RPL38: variants seen among roughly 807,000 people sequenced by gnomAD.
RPL38 encodes the protein ribosomal protein L38.
A neutral mutation model predicts 12.8 loss-of-function variants in RPL38; 2 were observed. That is an observed-to-expected ratio of 0.16 (90% CI 0.06 to 0.49). RPL38 has a LOEUF of 0.49. Among genes scored for constraint, RPL38 ranks in the 20% least tolerant of loss-of-function variants. The probability of loss-of-function intolerance (pLI) is 0.96; values close to 1 mark genes in which losing one functional copy is unlikely to be tolerated. For synonymous variants in RPL38, 42 were observed against 30.1 expected, an observed-to-expected ratio of 1.39 and a Z score of -1.29; for missense variants, 52 against 79.8, an observed-to-expected ratio of 0.65 and a Z score of 1.33.
At chr17:74,207,351 C>T (rs1341684199) in intron 3 of RPL38, among the ~76,000 whole-genome samples, 5 of 152,006 alleles carry the variant, frequency 3.3e-5, no homozygotes, top group South Asian at 2.1e-4. Context: ...GGGTAGGCCA[C>T]GGTTTGTTTA....
intron 3 of RPL38, chr17:74,204,425 C>G: frequency 1.8e-6 from 1 of 551,546 alleles, no homozygotes; most frequent in African/African-American, 1.9e-5. Context: ...AGAGGCCGCC[C>G]TGAGTTCAGT....
intron 4 of RPL38, chr17:74,209,543 C>T (rs1378498853): frequency 2.3e-5 from 15 of 639,552 alleles, no homozygotes; most frequent in South Asian, 1.2e-4. Context: ...ATCCTGTTCA[C>T]GACCCTTCGA....
rs2050141327 is a variant in RPL38, at chr17:74,209,081, G to C, written c.65-106G>C. The C allele has an allele frequency of 7.6e-6, 9 of 1,191,810 alleles. No individual in the cohort carries two copies. In the Admixed American group the frequency reaches 1.7e-4, roughly 22 times the overall value. The allele number at this position is 1,191,810 out of a possible 1,614,324, so 73.8% of individuals were successfully genotyped here. A position where few individuals can be genotyped will look rare whatever the true frequency, so the allele number is the denominator to read the frequency against. On this transcript the variant is annotated intron_variant, in intron 3 of 4. Transcript: ENST00000311111. ...CACAGAGGGATGGTACTGGAGGTGG[G>C]TGCTGTCTCCTGCATGCTGCTTACT... is the stretch of plus-strand genomic sequence containing the variant.
intron 1 of RPL38, 86 bp downstream of exon 1, chr17:74,203,831 T>A (rs1404982214): frequency 3.2e-6 from 4 of 1,243,982 alleles, no homozygotes; most frequent in Admixed American, 2.6e-5. Flanking sequence ...GGGAGTGCGA[T>A]GGGGCCGATA....
Position 74,209,260 on chromosome 17 carries a change from C to T in RPL38, c.138C>T (p.Val46=), listed in dbSNP as rs745784762. ...GCAGCAGATACCTTTACACCCTGGTCATCACTGACAAAGAGAAGGCAGAGA... is the reference window on the plus strand; with the variant it reads ...GCAGCAGATACCTTTACACCCTGGTTATCACTGACAAAGAGAAGGCAGAGA... ...VRCSRYLYTL[V]ITDKEKAEKL... is the part of the protein sequence containing the mutation. The change falls in exon 4 of 5, where the codon GTC becomes GTT. Residue 46 remains valine, a synonymous_variant. Coordinates refer to ENST00000311111, the MANE Select transcript of RPL38 (RefSeq NM_000999.4). The T allele has an allele frequency of 6.8e-6, 11 of 1,613,974 alleles. No individual in the cohort carries two copies. The African/African-American group carries it at 1.3e-4, about 20-fold the overall frequency.
intron 1 of RPL38, 67 bp downstream of exon 1, chr17:74,203,812 G>GTATC: frequency 4.8e-6 from 5 of 1,047,936 alleles, no homozygotes; most frequent in Admixed American, 2.8e-5. Flanking sequence ...GGGTGTCGGG[G>GTATC]AGGAGAAGGG....
At chr17:74,206,627 A>G (rs779364961) in intron 3 of RPL38, among the ~76,000 whole-genome samples, 13 of 149,888 alleles carry the variant, frequency 8.7e-5, no homozygotes, top group African/African-American at 2.0e-4. Context: ...TGGGTCTGCT[A>G]TTGCATATTT....
At chr17:74,204,223 G>A (rs2050089305) in intron 3 of RPL38, 33 bp downstream of exon 3, 1 of 1,605,476 alleles carries the variant, frequency 6.2e-7, no homozygotes, top group African/African-American at 1.3e-5. Flanking sequence ...CAAGAAGAGC[G>A]GTGCCTAGCC....
Position 74,209,990 on chromosome 17 carries a change from TTTTTTTTC to T in RPL38, c.*165_*172del. 1 of 586,314 alleles carries T rather than the reference TTTTTTTTC, an allele frequency of 1.7e-6. No homozygotes were observed. Among genetic ancestry groups the T allele is most frequent in the Non-Finnish European group, 3.0e-6 (1 of 335,940 alleles). The allele number at this position is 586,314 out of a possible 1,614,324, so 36.3% of individuals were successfully genotyped here. On this transcript the variant is annotated 3_prime_UTR_variant, in exon 5 of 5. Coordinates refer to ENST00000311111, the MANE Select transcript of RPL38 (RefSeq NM_000999.4). ...TGCCTTCCTGTGTCTTTTTTTTTTT[TTTTTTTTC>T]TTTCTTTGAGACGGAGTCTTGCTCT... is the stretch of plus-strand genomic sequence containing the variant.
At chr17:74,209,570 G>A in intron 4 of RPL38, 1 of 623,686 alleles carries the variant, frequency 1.6e-6, no homozygotes, top group Non-Finnish European at 2.8e-6. Flanking sequence ...TGCTAGTACT[G>A]ATAGTCCCCA....
intron 3 of RPL38, among the ~76,000 whole-genome samples, chr17:74,207,140 T>C (rs973688889): frequency 2.0e-5 from 3 of 151,704 alleles, no homozygotes; most frequent in Admixed American, 6.6e-5. Context: ...GCCTCCAGAG[T>C]CTCTGGGACT....
In RPL38 at chr17:74,209,858, T is replaced by C. The variant is rs764737345; in HGVS notation, c.*29T>C. Reference sequence around the variant, plus strand: ...AGACACACTGATTGGAACTGTATTATATTAAAATACTAAAAATCCTAAGTG... The same window carrying C: ...AGACACACTGATTGGAACTGTATTACATTAAAATACTAAAAATCCTAAGTG... On this transcript the variant is annotated 3_prime_UTR_variant, in exon 5 of 5. Transcript: ENST00000311111. The C allele has an allele frequency of 6.3e-7, 1 of 1,580,268 alleles. No homozygotes were observed. Among genetic ancestry groups the C allele is most frequent in the South Asian group, 1.1e-5 (1 of 89,802 alleles).
chr17:74,208,952 TAAG>T, intron 3 of RPL38, among the ~76,000 whole-genome samples: 1 of 151,988 alleles, frequency 6.6e-6, no homozygotes, highest in South Asian at 2.1e-4. Context: ...AAAGTAGAAA[TAAG>T]AAAGATAATA....
chr17:74,203,905 CTG>C lies in RPL38; in HGVS notation c.-38-11_-38-10del. 1 of 1,580,268 alleles carries C rather than the reference CTG, an allele frequency of 6.3e-7. No individual in the cohort carries two copies. The highest frequency in any genetic ancestry group is 8.6e-7 in the Non-Finnish European group (1 of 1,160,672). On this transcript the variant is annotated splice_polypyrimidine_tract_variant and intron_variant, in intron 1 of 4. Coordinates refer to ENST00000311111, the MANE Select transcript of RPL38 (RefSeq NM_000999.4). ...CCCCGCGCCGTGTTAACGCCGAGGA[CTG>C]TTTCCCGCAGGTCCTGGTCCGCGCC...
At chr17:74,209,142 T>G in intron 3 of RPL38, 45 bp from the exon 4 acceptor site, 1 of 1,606,500 alleles carries the variant, frequency 6.2e-7, no homozygotes, top group Non-Finnish European at 8.5e-7. Flanking sequence ...GTGTCACATC[T>G]GTTTTCTGTG....
Position 74,209,911 on chromosome 17 carries a change from A to G in RPL38, c.*82A>G, listed in dbSNP as rs563955927. 1.1e-5 allele frequency: 13 copies of G among 1,197,420 alleles called. No individual in the cohort carries two copies. Among genetic ancestry groups the G allele is most frequent in the South Asian group, 2.5e-5 (2 of 81,548 alleles). The allele number at this position is 1,197,420 out of a possible 1,614,324, so 74.2% of individuals were successfully genotyped here. A position where few individuals can be genotyped will look rare whatever the true frequency, so the allele number is the denominator to read the frequency against. The stretch of plus-strand genomic sequence containing the variant: ...TTTCGTCTTTGCGGATGGGAAAGGG[A>G]AAAATGCTACCTCGTAGTGGCTTCT... On this transcript the variant is annotated 3_prime_UTR_variant, in exon 5 of 5. Transcript: ENST00000311111.
In RPL38 at chr17:74,209,900, A is replaced by T. The variant is rs2050149870; in HGVS notation, c.*71A>T. The T allele has an allele frequency of 7.6e-7, 1 of 1,311,658 alleles. No homozygotes were observed. The highest frequency in any genetic ancestry group is 1.2e-5 in the South Asian group (1 of 84,810). 81.3% of individuals were successfully genotyped at this position (1,311,658 alleles called of 1,614,324 possible). A position where few individuals can be genotyped will look rare whatever the true frequency, so the allele number is the denominator to read the frequency against. ...TCCTAAGTGTCTTTCGTCTTTGCGG[A>T]TGGGAAAGGGAAAAATGCTACCTCG... is the stretch of plus-strand genomic sequence containing the variant. On this transcript the variant is annotated 3_prime_UTR_variant, in exon 5 of 5. Coordinates refer to ENST00000311111, the MANE Select transcript of RPL38 (RefSeq NM_000999.4).
chr17:74,208,520 TTACTGGCCCAGAATGTCA>T (rs1374223299), intron 3 of RPL38, among the ~76,000 whole-genome samples: 1 of 152,146 alleles, frequency 6.6e-6, no homozygotes, highest in Admixed American at 6.6e-5. Flanking sequence ...GAACGAGCTC[TTACTGGCCCAGAATGTCA>T]TCTCACATGC....
Position 74,209,977 on chromosome 17 carries a change from T to TA in RPL38, c.*148_*149insA. The TA allele has an allele frequency of 4.4e-5, 22 of 500,340 alleles. No individual in the cohort carries two copies. Among genetic ancestry groups the TA allele is most frequent in the Non-Finnish European group, 4.4e-5 (13 of 293,834 alleles). 31.0% of individuals were successfully genotyped at this position (500,340 alleles called of 1,614,324 possible). On this transcript the variant is annotated 3_prime_UTR_variant, in exon 5 of 5. Transcript: ENST00000311111. ...CGGGTTCTGTTGCTGCCTTCCTGTG[T>TA]CTTTTTTTTTTTTTTTTTTTCTTTC...
Sources: gnomAD v4.1 joint callset for allele counts (sites outside exome capture counted in the v4.1 genomes callset) on GRCh38, gnomAD v4.1.1 for gene constraint, MANE v1.5 for transcripts, NCBI Gene and HGNC (gene_info 2026-07-23, HGNC 2026-07-21) for gene names.